The following DPH6 variants were observed in gnomAD, a reference collection of about 807,000 sequenced individuals.
DPH6 encodes the protein diphthamine biosynthesis 6.
A neutral mutation model predicts 38.2 loss-of-function variants in DPH6; 33 were observed. The ratio of observed to expected loss-of-function variants is 0.86; its 90% CI spans 0.65 to 1.15. DPH6 has a LOEUF of 1.15. Among genes scored for constraint, DPH6 ranks in the 50% most tolerant of loss-of-function variants. The probability of loss-of-function intolerance (pLI) is 0.00; values close to 1 mark genes in which losing one functional copy is unlikely to be tolerated. For missense variants in DPH6, 325 were observed against 320.0 expected (o/e 1.02, Z -0.12); for synonymous variants, 108 against 103.0 (o/e 1.05, Z -0.30).
At chr15:35,355,903 C>T (rs184498758) in intron 3 of DPH6, among the ~76,000 whole-genome samples, 91 of 152,284 alleles carry the variant, frequency 6.0e-4, no homozygotes, top group East Asian at 2.1e-3. Flanking sequence ...CCATTCTCCC[C>T]GTCACTTTCA....
At chr15:35,412,817 GT>G (rs2053384132) in intron 5 of DPH6, among the ~76,000 whole-genome samples, 1 of 151,674 alleles carries the variant, frequency 6.6e-6, no homozygotes, top group African/African-American at 2.4e-5. Context: ...ATTGCCAGGG[GT>G]TTTGGGTAGG....
intron 6 of DPH6, among the ~76,000 whole-genome samples, chr15:35,395,292 T>C (rs972625233): frequency 1.3e-5 from 2 of 152,188 alleles, no homozygotes; most frequent in Non-Finnish European, 2.9e-5. Flanking sequence ...CTCACACCTG[T>C]TTCCCATAAC....
At chr15:35,409,395 T>C (rs1434381982) in intron 6 of DPH6, among the ~76,000 whole-genome samples, 2 of 151,988 alleles carry the variant, frequency 1.3e-5, no homozygotes, top group Non-Finnish European at 2.9e-5. Flanking sequence ...GTTGAGGAAC[T>C]TGCTGAAGAA....
At chr15:35,500,452 G>A (rs1038793887) in intron 3 of DPH6, among the ~76,000 whole-genome samples, 1 of 152,190 alleles carries the variant, frequency 6.6e-6, no homozygotes, top group African/African-American at 2.4e-5. Context: ...CAAGGAGAAT[G>A]AGAGCACTAG....
intron 3 of DPH6, among the ~76,000 whole-genome samples, chr15:35,233,698 G>C (rs978258519): frequency 4.6e-5 from 7 of 152,038 alleles, no homozygotes; most frequent in African/African-American, 7.2e-5. Context: ...CTTGGACATG[G>C]GTCTGGCACT....
At chr15:35,268,578 A>G (rs2051800323) in intron 3 of DPH6, among the ~76,000 whole-genome samples, 1 of 151,898 alleles carries the variant, frequency 6.6e-6, no homozygotes, top group Non-Finnish European at 1.5e-5. Flanking sequence ...GCTTTAAAAA[A>G]ATTTTTTTAG....
chr15:35,477,107 ATTAT>A (rs2054272689), intron 3 of DPH6, among the ~76,000 whole-genome samples: 1 of 151,892 alleles, frequency 6.6e-6, no homozygotes, highest in Admixed American at 6.6e-5. Context: ...AACTGAAATG[ATTAT>A]TTTAGTTTTT....
chr15:35,306,916 G>T (rs974713130), intron 3 of DPH6, among the ~76,000 whole-genome samples: 1 of 152,126 alleles, frequency 6.6e-6, no homozygotes, highest in Non-Finnish European at 1.5e-5. Flanking sequence ...ATGTTGTCAC[G>T]TGGCCCTTAA....
chr15:35,364,778 A>C (rs2052642952), intron 3 of DPH6, among the ~76,000 whole-genome samples: 1 of 151,726 alleles, frequency 6.6e-6, no homozygotes, highest in South Asian at 2.1e-4. Context: ...TTTGGGGTTC[A>C]TAAGACTTCT....
the DPH6 span, among the ~76,000 whole-genome samples, chr15:35,167,264 C>T: frequency 6.6e-6 from 1 of 152,068 alleles, no homozygotes; most frequent in African/African-American, 2.4e-5. Context: ...TGCATTGGTA[C>T]AATTCCTAAC....
At chr15:35,528,740 A>G in intron 3 of DPH6, among the ~76,000 whole-genome samples, 1 of 152,216 alleles carries the variant, frequency 6.6e-6, no homozygotes, top group Non-Finnish European at 1.5e-5. Context: ...GTGCCTGTAC[A>G]TATCTATTAC....
chr15:35,330,547 A>C (rs1340907483), downstream of DPH6, among the ~76,000 whole-genome samples: 1 of 152,166 alleles, frequency 6.6e-6, no homozygotes, highest in Admixed American at 6.5e-5. Flanking sequence ...AATGTACAGC[A>C]GGAACAGCTT....
At chr15:35,172,101 C>T in the DPH6 span, among the ~76,000 whole-genome samples, 16 of 152,198 alleles carry the variant, frequency 1.1e-4, no homozygotes, top group African/African-American at 2.9e-4. Context: ...CTCCTGACCT[C>T]GTGATCCACC....
intron 3 of DPH6, among the ~76,000 whole-genome samples, chr15:35,316,005 T>C (rs113508493): frequency 6.6e-5 from 10 of 152,108 alleles, no homozygotes; most frequent in African/African-American, 2.4e-4. Context: ...TGAGAAGATA[T>C]AGAGTAGATT....
intron 5 of DPH6, among the ~76,000 whole-genome samples, chr15:35,446,013 T>C (rs762471904): frequency 6.6e-6 from 1 of 152,124 alleles, no homozygotes; most frequent in Non-Finnish European, 1.5e-5. Context: ...ATGGGACCCA[T>C]ACGAACTGCC....
intron 2 of DPH6, among the ~76,000 whole-genome samples, chr15:35,539,161 T>C (rs1341538261): frequency 1.3e-5 from 2 of 151,996 alleles, no homozygotes; most frequent in Non-Finnish European, 1.5e-5. Flanking sequence ...CTGGGTGATA[T>C]AAATGAACTT....
chr15:35,454,672 T>C, intron 4 of DPH6, 75 bp downstream of exon 4: 2 of 1,245,522 alleles, frequency 1.6e-6, no homozygotes, highest in Non-Finnish European at 2.3e-6. Flanking sequence ...AATTTGAATA[T>C]GATTATTATT....
chr15:35,194,709 T>C, the DPH6 span, among the ~76,000 whole-genome samples: 1 of 152,188 alleles, frequency 6.6e-6, no homozygotes, highest in African/African-American at 2.4e-5. Flanking sequence ...TAGTACTAAC[T>C]ACATCAAAGG....
intron 3 of DPH6, among the ~76,000 whole-genome samples, chr15:35,360,524 A>G (rs2052604864): frequency 6.6e-6 from 1 of 152,202 alleles, no homozygotes; most frequent in Admixed American, 6.5e-5. Context: ...AGGTAGGGTG[A>G]GTTCAGCAGG....
Sources: allele counts gnomAD v4.1 joint callset (sites outside exome capture counted in the v4.1 genomes callset), GRCh38; gene constraint gnomAD v4.1.1; transcripts MANE v1.5; gene names NCBI Gene and HGNC (gene_info 2026-07-23, HGNC 2026-07-21).